Variants in OPRM1 observed in about 807,000 individuals in gnomAD.
OPRM1 encodes mu-type opioid receptor.
OPRM1 carries 27 observed loss-of-function variants against 31.8 expected under a neutral mutation model. The observed-to-expected ratio is 0.85, with a 90% confidence interval of 0.63 to 1.17. OPRM1 has a LOEUF of 1.17. Ranked by LOEUF, OPRM1 falls within the 50% of genes most tolerant of loss-of-function variation. The pLI is 0.00. For missense variants in OPRM1, 536 were observed against 511.1 expected (o/e 1.05, Z -0.47); for synonymous variants, 196 against 189.9 (o/e 1.03, Z -0.26).
intron 1 of OPRM1, chr6:154,086,464 C>A: frequency 2.4e-6 from 1 of 409,154 alleles, no homozygotes; most frequent in Non-Finnish European, 3.3e-6. Flanking sequence ...GTATATTTAC[C>A]ATATACAACA....
At position 154,131,066 on chromosome 6, in the gene OPRM1, C is replaced by T. The variant is rs139154550; in HGVS notation, c.*12345C>T. 0.01 allele frequency among the ~76,000 whole-genome samples: 1,595 copies of T among 152,234 alleles called. 37 individuals are homozygous for T. The highest frequency in any genetic ancestry group is 0.035 in the African/African-American group (1,466 of 41,540). ...AAAAAGTAAGTCTAAAGATTAGGTGCTCTGTCACTTGTCATTACATTTTTT... is the reference window on the plus strand; with the variant it reads ...AAAAAGTAAGTCTAAAGATTAGGTGTTCTGTCACTTGTCATTACATTTTTT... On this transcript the variant is annotated 3_prime_UTR_variant, in exon 4 of 4. Coordinates refer to ENST00000330432, the MANE Select transcript of OPRM1 (RefSeq NM_000914.5).
Position 154,119,098 on chromosome 6 carries a change from G to T in OPRM1, c.*377G>T, listed in dbSNP as rs201730389. 2 of 1,007,014 alleles carry T rather than the reference G, an allele frequency of 2.0e-6. No individual in the cohort carries two copies. Among genetic ancestry groups the T allele is most frequent in the South Asian group, 9.0e-5 (2 of 22,168 alleles). The allele number at this position is 1,007,014 out of a possible 1,614,324, so 62.4% of individuals were successfully genotyped here. A position where few individuals can be genotyped will look rare whatever the true frequency, so the allele number is the denominator to read the frequency against. On this transcript the variant is annotated 3_prime_UTR_variant, in exon 4 of 4. Coordinates refer to ENST00000330432, the MANE Select transcript of OPRM1 (RefSeq NM_000914.5). ...AGAACCATCTTTTGTTAAGTTCACC[G>T]TAGTAACACATAAAGTAAATGCTAC...
intron 3 of OPRM1, among the ~76,000 whole-genome samples, chr6:154,115,484 G>A (rs1320850913): frequency 6.6e-6 from 1 of 152,164 alleles, no homozygotes; most frequent in Admixed American, 6.5e-5. Context: ...AGGTTGCAGT[G>A]AGCAGAGATT....
At chr6:154,112,584 C>G (rs1293918345) in intron 3 of OPRM1, among the ~76,000 whole-genome samples, 2 of 152,146 alleles carry the variant, frequency 1.3e-5, no homozygotes, top group African/African-American at 4.8e-5. Flanking sequence ...CTCATGTGGT[C>G]AGGCAGTGAA....
In OPRM1 at chr6:154,090,055, C is replaced by G. The variant is rs200251590; in HGVS notation, c.520C>G (p.Pro174Ala). ...TGATCGATACATTGCAGTCTGCCAC[C>G]CTGTCAAGGCCTTAGATTTCCGTAC... is the stretch of plus-strand genomic sequence containing the variant. Reference protein sequence around the residue: ...SVDRYIAVCHPVKALDFRTPR... With the variant: ...SVDRYIAVCHAVKALDFRTPR... Residue 174 changes from proline (P) to alanine (A), a missense_variant, in exon 2 of 4, where the codon CCT (proline) becomes GCT (alanine). Transcript: ENST00000330432. 276 of 1,613,796 alleles carry G rather than the reference C, an allele frequency of 1.7e-4. No individual in the cohort carries two copies. The highest frequency in any genetic ancestry group is 2.3e-4 in the Non-Finnish European group (271 of 1,179,852).
At chr6:154,101,425 T>C (rs926147804) in intron 3 of OPRM1, among the ~76,000 whole-genome samples, 3 of 152,206 alleles carry the variant, frequency 2.0e-5, no homozygotes, top group Non-Finnish European at 2.9e-5. Flanking sequence ...AATTCTCTCA[T>C]AGAATTTTTA....
Position 154,127,557 on chromosome 6 carries a change from C to A in OPRM1, c.*8836C>A, listed in dbSNP as rs894052120. 1.2e-4 allele frequency among the ~76,000 whole-genome samples: 19 copies of A among 152,222 alleles called. No individual in the cohort carries two copies. Among genetic ancestry groups the A allele is most frequent in the Non-Finnish European group, 2.6e-4 (18 of 68,044 alleles). The stretch of plus-strand genomic sequence containing the variant: ...ACCAGACTAGATTAGGAGGTCCACA[C>A]CACCAATTGAGATGTACCTGTGCTC... On this transcript the variant is annotated 3_prime_UTR_variant, in exon 4 of 4. Coordinates refer to ENST00000330432, the MANE Select transcript of OPRM1 (RefSeq NM_000914.5).
intron 3 of OPRM1, chr6:154,091,867 T>C (rs1792328408): frequency 1.0e-6 from 1 of 996,406 alleles, no homozygotes; most frequent in Non-Finnish European, 1.2e-6. Context: ...CAAAAGCCAG[T>C]CTTGCTCTGG....
Position 154,090,973 on chromosome 6 carries a change from C to T in OPRM1, c.665C>T (p.Thr222Ile), listed in dbSNP as rs777753483. Residue 222 changes from threonine (T) to isoleucine (I), a missense_variant, in exon 3 of 4, where the codon ACA (threonine) becomes ATA (isoleucine). Coordinates refer to ENST00000330432, the MANE Select transcript of OPRM1 (RefSeq NM_000914.5). ...YRQGSIDCTL[T>I]FSHPTWYWEN... ...CTAGGTTCCATAGATTGTACACTAA[C>T]ATTCTCTCATCCAACCTGGTACTGG... 3 of 1,613,706 alleles carry T rather than the reference C, an allele frequency of 1.9e-6. No individual in the cohort carries two copies. Among genetic ancestry groups the T allele is most frequent in the East Asian group, 2.2e-5 (1 of 44,900 alleles).
chr6:154,155,578 C>G (rs944798198), intron 3 of OPRM1: 1 of 152,168 alleles, frequency 6.6e-6, no homozygotes, highest in African/African-American at 2.4e-5. Context: ...AGGCAGATCA[C>G]CTGAGGTCAG....
chr6:154,187,733 A>G (rs1383240649), intron 3 of OPRM1, among the ~76,000 whole-genome samples: 2 of 152,238 alleles, frequency 1.3e-5, no homozygotes, highest in Non-Finnish European at 2.9e-5. Flanking sequence ...GTGGAGTCAA[A>G]CAGAACTGCA....
intron 3 of OPRM1, chr6:154,167,818 C>G (rs1799559692): frequency 1.2e-6 from 1 of 859,268 alleles, no homozygotes; most frequent in South Asian, 2.1e-5. Context: ...CCCTTCCCTG[C>G]AACCACACAA....
chr6:154,093,325 T>G (rs554845510), intron 3 of OPRM1: 39 of 1,613,972 alleles, frequency 2.4e-5, no homozygotes, highest in African/African-American at 2.1e-4. Flanking sequence ...TGCTTGGTTG[T>G]GTACCCTGGA....
chr6:154,142,697 C>A (rs912169777), intron 3 of OPRM1, among the ~76,000 whole-genome samples: 1 of 152,162 alleles, frequency 6.6e-6, no homozygotes, highest in Admixed American at 6.5e-5. Flanking sequence ...TTTAAGAAAC[C>A]CTTACTCCTG....
chr6:154,082,176 T>C (rs140402850), intron 1 of OPRM1, among the ~76,000 whole-genome samples: 37 of 152,360 alleles, frequency 2.4e-4, no homozygotes, highest in African/African-American at 8.4e-4. Flanking sequence ...AAATGTTTTG[T>C]CTTACACACA....
intron 3 of OPRM1, among the ~76,000 whole-genome samples, chr6:154,109,619 AC>A (rs112949781): frequency 4.1e-4 from 63 of 152,302 alleles, no homozygotes; most frequent in African/African-American, 1.5e-3. Context: ...TTCTTGTAGA[AC>A]ACTACTAAAG....
At chr6:154,066,644 A>G (rs1363418391) in intron 1 of OPRM1, among the ~76,000 whole-genome samples, 2 of 152,038 alleles carry the variant, frequency 1.3e-5, no homozygotes, top group Non-Finnish European at 2.9e-5. Context: ...AGGTTAGTGC[A>G]TTAATGGAAT....
At chr6:154,232,916 C>G (rs867565368) in intron 3 of OPRM1, among the ~76,000 whole-genome samples, 3 of 149,874 alleles carry the variant, frequency 2.0e-5, no homozygotes, top group Admixed American at 6.6e-5. Context: ...GAAAAGAAAA[C>G]AAAAGAGAAG....
intron 3 of OPRM1, among the ~76,000 whole-genome samples, chr6:154,183,066 G>T (rs1033789869): frequency 4.0e-5 from 6 of 151,556 alleles, no homozygotes; most frequent in Non-Finnish European, 8.8e-5. Flanking sequence ...TGCAACCTCT[G>T]CCTCCCAGGT....
Sources: allele counts gnomAD v4.1 joint callset (sites outside exome capture counted in the v4.1 genomes callset), GRCh38; gene constraint gnomAD v4.1.1; transcripts MANE v1.5; gene names NCBI Gene and HGNC (gene_info 2026-07-23, HGNC 2026-07-21).